Variants in YTHDF3 observed in about 807,000 individuals in gnomAD.
YTHDF3 encodes the protein YTH N6-methyladenosine RNA binding protein F3.
A neutral mutation model predicts 52.5 loss-of-function variants in YTHDF3; 9 were observed. That is an observed-to-expected ratio of 0.17 (90% CI 0.10 to 0.30). The LOEUF is 0.30. YTHDF3 is among the 10% of genes least tolerant of loss of function. The probability of loss-of-function intolerance (pLI) is 1.00; values close to 1 mark genes in which losing one functional copy is unlikely to be tolerated. For missense variants in YTHDF3, 534 were observed against 715.0 expected, an observed-to-expected ratio of 0.75 and a Z score of 2.89; for synonymous variants, 274 against 243.3, an observed-to-expected ratio of 1.13 and a Z score of -1.18.
intron 2 of YTHDF3, chr8:63,173,613 A>G (rs1267292230): frequency 3.1e-6 from 3 of 983,478 alleles, no homozygotes; most frequent in African/African-American, 1.7e-5. Context: ...ATTTTTTTTC[A>G]AGAAGTAATA....
At chr8:63,206,727 A>T (rs1460883597) in intron 4 of YTHDF3, among the ~76,000 whole-genome samples, 1 of 152,170 alleles carries the variant, frequency 6.6e-6, no homozygotes, top group African/African-American at 2.4e-5. Flanking sequence ...AAAAATCAGT[A>T]ATTTCAGAGA....
intron 4 of YTHDF3, among the ~76,000 whole-genome samples, chr8:63,196,626 A>T (rs931784659): frequency 2.0e-5 from 3 of 152,142 alleles, no homozygotes; most frequent in African/African-American, 4.8e-5. Flanking sequence ...TGAGTAAAAG[A>T]CAAATTACCT....
chr8:63,193,398 C>CAAA (rs1443869530), intron 4 of YTHDF3, among the ~76,000 whole-genome samples: 1 of 135,440 alleles, frequency 7.4e-6, no homozygotes, highest in African/African-American at 2.8e-5. Context: ...AAAAAAAAAG[C>CAAA]AGCAGCAGCC....
rs933489260 is a variant in YTHDF3, at chr8:63,196,916, C to T, written c.1734+9171C>T. Among the ~76,000 whole-genome samples, 15 of 152,266 alleles carry T rather than the reference C, an allele frequency of 9.9e-5. No individual in the cohort carries two copies. The East Asian group carries it at 2.9e-3, about 29-fold the overall frequency. ...CAAGAAAGAACAACAACCCGTAGCA[C>T]CTGGTTATACTAGAACAAATATCTC... On this transcript the variant is annotated intron_variant, in intron 4 of 4. Coordinates refer to ENST00000539294, the MANE Select transcript of YTHDF3 (RefSeq NM_152758.6).
chr8:63,194,878 T>A (rs1251565827), intron 4 of YTHDF3, among the ~76,000 whole-genome samples: 1 of 152,214 alleles, frequency 6.6e-6, no homozygotes, highest in Non-Finnish European at 1.5e-5. Context: ...TACATTGAGG[T>A]CTATAGTTAC....
chr8:63,172,894 C>T, intron 2 of YTHDF3: 2 of 978,410 alleles, frequency 2.0e-6, no homozygotes, highest in South Asian at 1.0e-4. Flanking sequence ...GACTCCAAGA[C>T]ATTAGCTTGT....
At chr8:63,177,954 C>T (rs1015617986) in intron 3 of YTHDF3, among the ~76,000 whole-genome samples, 1 of 152,036 alleles carries the variant, frequency 6.6e-6, no homozygotes. Context: ...GGTGAGGTTT[C>T]ACCATATTGG....
At chr8:63,208,353 A>G (rs937064175) in intron 4 of YTHDF3, among the ~76,000 whole-genome samples, 1 of 152,210 alleles carries the variant, frequency 6.6e-6, no homozygotes, top group Non-Finnish European at 1.5e-5. Context: ...GGAAAACTAA[A>G]TTGACCACTT....
chr8:63,170,051 TAA>T (rs1038536287), intron 2 of YTHDF3, among the ~76,000 whole-genome samples: 1 of 152,214 alleles, frequency 6.6e-6, no homozygotes, highest in African/African-American at 2.4e-5. Flanking sequence ...CCATTGAAAG[TAA>T]AGTGTTTTTT....
At chr8:63,168,951 C>T in intron 1 of YTHDF3, 50 bp downstream of exon 1, 1 of 1,544,400 alleles carries the variant, frequency 6.5e-7, no homozygotes, top group South Asian at 1.2e-5. Flanking sequence ...CCCCGGAGCT[C>T]CACCCTCGCG....
At chr8:63,197,873 T>A (rs1051628858) in intron 4 of YTHDF3, among the ~76,000 whole-genome samples, 1 of 152,234 alleles carries the variant, frequency 6.6e-6, no homozygotes, top group Non-Finnish European at 1.5e-5. Context: ...GAGGTGATTC[T>A]TTCTTTTGAA....
intron 4 of YTHDF3, among the ~76,000 whole-genome samples, chr8:63,198,187 A>G (rs1431872815): frequency 1.3e-5 from 2 of 152,088 alleles, no homozygotes. Flanking sequence ...TTATGCTGTT[A>G]CATAGTTGGC....
chr8:63,173,342 C>G (rs1807472097), intron 2 of YTHDF3, among the ~76,000 whole-genome samples: 2 of 150,952 alleles, frequency 1.3e-5, no homozygotes, highest in Non-Finnish European at 2.9e-5. Context: ...TGCCTTGGCT[C>G]AAGTGATCCT....
intron 4 of YTHDF3, among the ~76,000 whole-genome samples, chr8:63,207,048 T>A (rs767017252): frequency 6.6e-6 from 1 of 152,188 alleles, no homozygotes; most frequent in Non-Finnish European, 1.5e-5. Flanking sequence ...TTTGCTAATG[T>A]GTAAATGTGT....
At chr8:63,186,014 A>G in intron 3 of YTHDF3, 133 bp from the exon 4 acceptor site, 1 of 997,388 alleles carries the variant, frequency 1.0e-6, no homozygotes, top group South Asian at 2.0e-5. Context: ...TGAAATTTTA[A>G]TTTTGTTTAT....
Position 63,186,957 on chromosome 8 carries a change from A to G in YTHDF3, c.946A>G (p.Ser316Gly). The G allele has an allele frequency of 6.2e-7, 1 of 1,613,890 alleles. No homozygotes were observed. Residue 316 changes from serine to glycine, a missense_variant, in exon 4 of 5, where the codon AGC becomes GGC. Physicochemically the swap from Ser to Gly is moderately conservative, Grantham distance 56 (BLOSUM62 0). Coordinates refer to ENST00000539294, the MANE Select transcript of YTHDF3 (RefSeq NM_152758.6). ...PLIQPPPLVQ[S>G]QLPQQQPQPP... ...AATTCAACCACCACCATTGGTGCAAAGCCAACTGCCTCAACAGCAGCCTCA... is the reference window on the plus strand; with the variant it reads ...AATTCAACCACCACCATTGGTGCAAGGCCAACTGCCTCAACAGCAGCCTCA...
In YTHDF3 at chr8:63,186,933, A is replaced by G; in HGVS notation, c.922A>G (p.Ile308Val). 6.2e-7 allele frequency: 1 copy of G among 1,613,968 alleles called. No individual in the cohort carries two copies. The highest frequency in any genetic ancestry group is 8.5e-7 in the Non-Finnish European group (1 of 1,179,864). Residue 308 changes from isoleucine to valine, a missense_variant, in exon 4 of 5, where the codon ATT (isoleucine) becomes GTT (valine). Ile to Val is a conservative substitution (Grantham distance 29). This residue lies in a region of YTHDF3 where 203 missense variants were observed against 201.3 expected (regional missense o/e 1.01). Coordinates refer to ENST00000539294, the MANE Select transcript of YTHDF3 (RefSeq NM_152758.6). ...TATAATCCAGCAGCCTCAGCCATTA[A>G]TTCAACCACCACCATTGGTGCAAAG... ...QTIIQQPQPL[I>V]QPPPLVQSQL...
intron 4 of YTHDF3, among the ~76,000 whole-genome samples, chr8:63,197,345 T>C (rs1044878756): frequency 6.6e-6 from 1 of 152,236 alleles, no homozygotes; most frequent in Non-Finnish European, 1.5e-5. Context: ...TACTTGATCA[T>C]TGAAGTTATA....
chr8:63,196,831 T>C (rs1267722277), intron 4 of YTHDF3, among the ~76,000 whole-genome samples: 1 of 152,130 alleles, frequency 6.6e-6, no homozygotes, highest in East Asian at 1.9e-4. Flanking sequence ...TTAAAAGAGC[T>C]TAGCCACGTA....
Sources: allele counts gnomAD v4.1 joint callset (sites outside exome capture counted in the v4.1 genomes callset), GRCh38; gene constraint gnomAD v4.1.1; regional missense constraint gnomAD v4.1.1; transcripts MANE v1.5; gene names NCBI Gene and HGNC (gene_info 2026-07-23, HGNC 2026-07-21).